GALNT17: variants seen among roughly 807,000 people sequenced by gnomAD.
The protein encoded by GALNT17 is polypeptide N-acetylgalactosaminyltransferase 17.
A neutral mutation model predicts 63.7 loss-of-function variants in GALNT17; 29 were observed. The observed-to-expected ratio is 0.46, with a 90% CI of 0.34 to 0.62. The LOEUF (loss-of-function observed/expected upper bound fraction) is 0.62. Among genes scored for constraint, GALNT17 ranks in the 20% least tolerant of loss-of-function variants. The probability of loss-of-function intolerance (pLI) is 0.01; values close to 1 mark genes in which losing one functional copy is unlikely to be tolerated. For missense variants in GALNT17, 603 were observed against 799.6 expected (o/e 0.75, Z 2.97); for synonymous variants, 305 against 318.3 (o/e 0.96, Z 0.45).
chr7:71,400,177 T>G (rs1481715584), intron 3 of GALNT17, among the ~76,000 whole-genome samples: 1 of 151,296 alleles, frequency 6.6e-6, no homozygotes, highest in Non-Finnish European at 1.5e-5. Context: ...CAGGCCCCAG[T>G]GTGTGATGCT....
chr7:71,595,909 A>G (rs1263214975), intron 6 of GALNT17, among the ~76,000 whole-genome samples: 1 of 152,208 alleles, frequency 6.6e-6, no homozygotes, highest in African/African-American at 2.4e-5. Context: ...TGTTGCAGGA[A>G]TCAATGGGAG....
At chr7:71,571,219 G>A (rs1277290503) in intron 5 of GALNT17, 66 bp from the exon 6 acceptor site, 8 of 1,361,796 alleles carry the variant, frequency 5.9e-6, no homozygotes, top group African/African-American at 2.9e-5. Flanking sequence ...ATACTAGGAC[G>A]GTGCCTATGG....
intron 1 of GALNT17, among the ~76,000 whole-genome samples, chr7:71,244,247 C>T (rs191632286): frequency 1.4e-4 from 21 of 152,338 alleles, no homozygotes; most frequent in Middle Eastern, 3.4e-3. Context: ...TGCTCATTCT[C>T]TCTGGGTCTG....
At chr7:71,381,265 C>A (rs1034651886) in intron 2 of GALNT17, among the ~76,000 whole-genome samples, 3 of 151,924 alleles carry the variant, frequency 2.0e-5, no homozygotes, top group African/African-American at 7.2e-5. Flanking sequence ...CTGGCTTGGT[C>A]CTAGGGATTT....
chr7:71,693,405 G>A (rs1043705971), intron 9 of GALNT17, among the ~76,000 whole-genome samples: 5 of 151,108 alleles, frequency 3.3e-5, no homozygotes, highest in African/African-American at 9.7e-5. Context: ...TGATTTGCAT[G>A]TCCCTTCAAT....
chr7:71,683,242 C>T (rs991927573), intron 9 of GALNT17, among the ~76,000 whole-genome samples: 29 of 152,124 alleles, frequency 1.9e-4, no homozygotes, highest in African/African-American at 7.0e-4. Context: ...GCCACGTGTC[C>T]TGAATTAGAG....
At chr7:71,152,418 G>A (rs1385153165) in intron 1 of GALNT17, among the ~76,000 whole-genome samples, 3 of 152,112 alleles carry the variant, frequency 2.0e-5, no homozygotes, top group Admixed American at 6.5e-5. Flanking sequence ...GAGTAGACTG[G>A]TCTAATGTCT....
intron 9 of GALNT17, among the ~76,000 whole-genome samples, chr7:71,693,299 C>CATATATATATATATATATAT (rs1327263888): frequency 3.4e-5 from 4 of 116,256 alleles, no homozygotes; most frequent in South Asian, 4.5e-4. Flanking sequence ...CACACACACA[C>CATATATATATATATATATAT]ACACACACAC....
At chr7:71,681,345 G>A (rs1364977011) in intron 9 of GALNT17, among the ~76,000 whole-genome samples, 1 of 152,232 alleles carries the variant, frequency 6.6e-6, no homozygotes, top group Non-Finnish European at 1.5e-5. Context: ...GCCTACAGCA[G>A]TTCCAGCAGG....
chr7:71,662,994 T>C (rs544539669), intron 6 of GALNT17, among the ~76,000 whole-genome samples: 1 of 152,214 alleles, frequency 6.6e-6, no homozygotes. Context: ...ACACCCTTGT[T>C]GAAAGTTAGT....
chr7:71,536,723 A>G (rs1469502829), intron 5 of GALNT17, among the ~76,000 whole-genome samples: 1 of 152,174 alleles, frequency 6.6e-6, no homozygotes, highest in Non-Finnish European at 1.5e-5. Context: ...ATGAGATTTG[A>G]GTGGGGACAC....
chr7:71,270,330 TG>T (rs1790562497), intron 1 of GALNT17, among the ~76,000 whole-genome samples: 1 of 151,982 alleles, frequency 6.6e-6, no homozygotes, highest in East Asian at 1.9e-4. Flanking sequence ...GAGACCAGCC[TG>T]GCCAACATGA....
At chr7:71,267,273 T>C (rs1197744458) in intron 1 of GALNT17, among the ~76,000 whole-genome samples, 55 of 152,242 alleles carry the variant, frequency 3.6e-4, no homozygotes, top group Admixed American at 3.6e-3. Context: ...CAATTGGCTA[T>C]TGCCAGGATG....
At chr7:71,370,536 G>A (rs913310845) in intron 2 of GALNT17, among the ~76,000 whole-genome samples, 1 of 152,112 alleles carries the variant, frequency 6.6e-6, no homozygotes, top group Non-Finnish European at 1.5e-5. Context: ...CCAGGCTGGA[G>A]TACAGTTGTG....
At chr7:71,344,397 G>C (rs1416994368) in intron 2 of GALNT17, among the ~76,000 whole-genome samples, 1 of 152,184 alleles carries the variant, frequency 6.6e-6, no homozygotes, top group Non-Finnish European at 1.5e-5. Flanking sequence ...CTTTTGGCTA[G>C]AGAATAGTTT....
chr7:71,622,832 C>T (rs974124687), intron 6 of GALNT17, among the ~76,000 whole-genome samples: 36 of 152,156 alleles, frequency 2.4e-4, no homozygotes, highest in African/African-American at 8.4e-4. Flanking sequence ...CAATAGTGCT[C>T]TTGGTAATGT....
chr7:71,537,224 A>G (rs750700474), intron 5 of GALNT17, among the ~76,000 whole-genome samples: 7 of 152,186 alleles, frequency 4.6e-5, no homozygotes, highest in Non-Finnish European at 5.9e-5. Context: ...TGTTTATGCT[A>G]TAGAGCCAAC....
At chr7:71,441,575 G>A (rs1333416326) in intron 5 of GALNT17, among the ~76,000 whole-genome samples, 12 of 151,878 alleles carry the variant, frequency 7.9e-5, no homozygotes, top group East Asian at 1.9e-4. Context: ...CCTATCAACC[G>A]GTCATCTAGG....
At chr7:71,391,194 G>C (rs576006527) in intron 3 of GALNT17, among the ~76,000 whole-genome samples, 1 of 152,292 alleles carries the variant, frequency 6.6e-6, no homozygotes, top group East Asian at 1.9e-4. Context: ...AAAAAGACTG[G>C]AGGTGGCCCG....
Sources: allele counts gnomAD v4.1 joint callset (sites outside exome capture counted in the v4.1 genomes callset), GRCh38; gene constraint gnomAD v4.1.1; transcripts MANE v1.5; gene names NCBI Gene and HGNC (gene_info 2026-07-23, HGNC 2026-07-21).